GPAM: variants seen among roughly 807,000 people sequenced by gnomAD.
The protein encoded by GPAM is glycerol-3-phosphate acyltransferase, mitochondrial, also known as glycerol-3-phosphate acyltransferase 1, mitochondrial.
Under a neutral mutation model 105.0 loss-of-function variants are expected in GPAM, and 56 were observed. That is an observed-to-expected ratio of 0.53 (90% CI 0.43 to 0.67). GPAM has a LOEUF of 0.67. Among genes scored for constraint, GPAM ranks in the 30% least tolerant of loss-of-function variants. The probability of loss-of-function intolerance (pLI) is 0.00; values close to 1 mark genes in which losing one functional copy is unlikely to be tolerated. For missense variants in GPAM, 855 were observed against 989.8 expected, an observed-to-expected ratio of 0.86 and a Z score of 1.83; for synonymous variants, 368 against 354.4, an observed-to-expected ratio of 1.04 and a Z score of -0.43.
At chr10:112,199,776 G>A (rs1327492153) in intron 1 of GPAM, among the ~76,000 whole-genome samples, 1 of 152,170 alleles carries the variant, frequency 6.6e-6, no homozygotes, top group African/African-American at 2.4e-5. Context: ...GAGAGCTTGT[G>A]CAGGGGAACT....
At position 112,168,524 on chromosome 10, in the gene GPAM, G is replaced by A; in HGVS notation, c.895C>T (p.His299Tyr). 6.3e-7 allele frequency: 1 copy of A among 1,578,582 alleles called. No individual in the cohort carries two copies. Among genetic ancestry groups the A allele is most frequent in the Non-Finnish European group, 8.7e-7 (1 of 1,147,556 alleles). ...TGCTGTCGAAGTAATTCAACTATAT[G>A]CTGGGATATAAGAAGAAAGTAAAAC... ...DVLYRALLHGHIVELLRQQQF... is the reference protein window; with the variant it reads ...DVLYRALLHGYIVELLRQQQF... Residue 299 changes from histidine (H) to tyrosine (Y), a missense_variant and splice_region_variant, in exon 11 of 22, where the codon CAT (histidine) becomes TAT (tyrosine). His to Tyr is a moderately conservative substitution (Grantham distance 83). Coordinates refer to ENST00000348367, the MANE Select transcript of GPAM (RefSeq NM_001244949.2).
At chr10:112,170,924 C>G (rs1200886940) in intron 9 of GPAM, among the ~76,000 whole-genome samples, 2 of 152,124 alleles carry the variant, frequency 1.3e-5, no homozygotes, top group African/African-American at 4.8e-5. Flanking sequence ...ACTCTGAAAG[C>G]CTATAGAACT....
chr10:112,169,309 C>G (rs192057207), intron 9 of GPAM, among the ~76,000 whole-genome samples: 1 of 152,150 alleles, frequency 6.6e-6, no homozygotes, highest in East Asian at 1.9e-4. Flanking sequence ...AGACACTGAC[C>G]CTTAGACATT....
chr10:112,218,168 T>C (rs1847989362), upstream of GPAM, among the ~76,000 whole-genome samples: 1 of 152,232 alleles, frequency 6.6e-6, no homozygotes, highest in Non-Finnish European at 1.5e-5. Flanking sequence ...GCAGTGCCTC[T>C]GCAGCTGCCT....
At chr10:112,222,193 T>G in the GPAM span, among the ~76,000 whole-genome samples, 2 of 152,174 alleles carry the variant, frequency 1.3e-5, no homozygotes, top group Non-Finnish European at 2.9e-5. Context: ...AAATTTAAAT[T>G]TTTTCTATTT....
In GPAM at chr10:112,164,624, CACA is replaced by C. The variant is rs1273342379; in HGVS notation, c.1222-17_1222-15del. 7.1e-7 allele frequency: 1 copy of C among 1,413,352 alleles called. No individual in the cohort carries two copies. 87.6% of individuals were successfully genotyped at this position (1,413,352 alleles called of 1,614,324 possible). A position where few individuals can be genotyped will look rare whatever the true frequency, so the allele number is the denominator to read the frequency against. The stretch of plus-strand genomic sequence containing the variant: ...TTCTAAATATTCCTGGAGAAAAAAA[CACA>C]ACATGATCATTTACCCTCACTTTCG... On this transcript the variant is annotated splice_polypyrimidine_tract_variant and intron_variant, in intron 12 of 21. Coordinates refer to ENST00000348367, the MANE Select transcript of GPAM (RefSeq NM_001244949.2).
chr10:112,163,127 G>A (rs1369821183), intron 14 of GPAM, among the ~76,000 whole-genome samples: 1 of 152,202 alleles, frequency 6.6e-6, no homozygotes, highest in African/African-American at 2.4e-5. Context: ...CAATTGTACA[G>A]CTTGGAACTT....
chr10:112,159,986 C>A lies in GPAM; in HGVS notation c.1827G>T (p.Leu609=), dbSNP rs1847092957. ...TCCGCACCAGCTGCTCCTGGCTGAT[C>A]AGGTTAGGTGGGGTGCTAGTGGGAC... The part of the protein sequence containing the change: ...LGGPTSTPPN[L]ISQEQLVRKA... The change falls in exon 17 of 22, where the codon CTG becomes CTT. Residue 609 remains leucine (L), a synonymous_variant. Coordinates refer to ENST00000348367, the MANE Select transcript of GPAM (RefSeq NM_001244949.2). 6.2e-7 allele frequency: 1 copy of A among 1,613,980 alleles called. No homozygotes were observed. The highest frequency in any genetic ancestry group is 8.5e-7 in the Non-Finnish European group (1 of 1,179,860).
intron 1 of GPAM, among the ~76,000 whole-genome samples, chr10:112,192,013 C>G (rs1471625248): frequency 1.3e-5 from 2 of 152,148 alleles, no homozygotes; most frequent in East Asian, 1.9e-4. Flanking sequence ...CACGCAGAGC[C>G]CAGGCAAGGT....
At chr10:112,180,335 T>C (rs981627359) in intron 4 of GPAM, 138 bp downstream of exon 4, 2 of 783,624 alleles carry the variant, frequency 2.6e-6, no homozygotes, top group Non-Finnish European at 4.3e-6. Flanking sequence ...TGTGTCAACA[T>C]CTTTACTTGA....
In GPAM at chr10:112,149,924, C is replaced by G; in HGVS notation, c.*3626G>C. 1 of 985,684 alleles carries G rather than the reference C, an allele frequency of 1.0e-6. No individual in the cohort carries two copies. Among genetic ancestry groups the G allele is most frequent in the Non-Finnish European group, 1.2e-6 (1 of 829,766 alleles). The allele number at this position is 985,684 out of a possible 1,614,324, so 61.1% of individuals were successfully genotyped here. A position where few individuals can be genotyped will look rare whatever the true frequency, so the allele number is the denominator to read the frequency against. On this transcript the variant is annotated 3_prime_UTR_variant, in exon 22 of 22. Coordinates refer to ENST00000348367, the MANE Select transcript of GPAM (RefSeq NM_001244949.2). Reference sequence around the variant, plus strand: ...CATTTTCTGTGTTTCTTGCAATACACTAACAAGCATAAAAATCAATCAGCA... The same window carrying G: ...CATTTTCTGTGTTTCTTGCAATACAGTAACAAGCATAAAAATCAATCAGCA...
At position 112,152,788 on chromosome 10, in the gene GPAM, T is replaced by C; in HGVS notation, c.*762A>G. 2.9e-6 allele frequency: 2 copies of C among 697,832 alleles called. No individual in the cohort carries two copies. Among genetic ancestry groups the C allele is most frequent in the Non-Finnish European group, 3.5e-6 (2 of 567,528 alleles). 43.2% of individuals were successfully genotyped at this position (697,832 alleles called of 1,614,324 possible). A position where few individuals can be genotyped will look rare whatever the true frequency, so the allele number is the denominator to read the frequency against. On this transcript the variant is annotated 3_prime_UTR_variant, in exon 22 of 22. Coordinates refer to ENST00000348367, the MANE Select transcript of GPAM (RefSeq NM_001244949.2). ...GTCATTTGAAACTCAATGGCACTTGTTTATATGAGCAAAAGCCTTCAACAC... is the reference window on the plus strand; with the variant it reads ...GTCATTTGAAACTCAATGGCACTTGCTTATATGAGCAAAAGCCTTCAACAC...
At chr10:112,218,864 T>C (rs1443408140), upstream of GPAM, among the ~76,000 whole-genome samples, 2 of 152,188 alleles carry the variant, frequency 1.3e-5, no homozygotes, top group Non-Finnish European at 2.9e-5. Context: ...TGCTAATGCA[T>C]TATAATTAAT....
Position 112,152,194 on chromosome 10 carries a change from TCCATAA to T in GPAM, c.*1350_*1355del, listed in dbSNP as rs1687019460. On this transcript the variant is annotated 3_prime_UTR_variant, in exon 22 of 22. Transcript: ENST00000348367. ...ACACTCATCTGGAAAAATTCTTAAT[TCCATAA>T]TATCTTGGAGATAAGCAACAGTAAA... 1.0e-6 allele frequency: 1 copy of T among 976,772 alleles called. No homozygotes were observed. 60.5% of individuals were successfully genotyped at this position (976,772 alleles called of 1,614,324 possible).
chr10:112,156,846 T>C (rs1214709319), intron 19 of GPAM: 3 of 259,952 alleles, frequency 1.2e-5, no homozygotes, highest in African/African-American at 2.2e-5. Context: ...GTATTTGTTT[T>C]AATTGACAGC....
chr10:112,223,246 A>AT, the GPAM span, among the ~76,000 whole-genome samples: 1 of 152,042 alleles, frequency 6.6e-6, no homozygotes, highest in African/African-American at 2.4e-5. Context: ...ACCTCCCCCA[A>AT]TAAATCTTTT....
intron 1 of GPAM, among the ~76,000 whole-genome samples, chr10:112,195,637 T>C (rs533005241): frequency 6.6e-6 from 1 of 152,246 alleles, no homozygotes; most frequent in Non-Finnish European, 1.5e-5. Flanking sequence ...GTAGAATTAA[T>C]CATTTAATAT....
At chr10:112,214,125 A>C (rs1171963922) in intron 1 of GPAM, among the ~76,000 whole-genome samples, 1 of 152,200 alleles carries the variant, frequency 6.6e-6, no homozygotes, top group Non-Finnish European at 1.5e-5. Flanking sequence ...GGGGGGATCC[A>C]CAGACTCATC....
intron 1 of GPAM, among the ~76,000 whole-genome samples, chr10:112,203,665 G>A (rs1244705834): frequency 6.6e-6 from 1 of 152,168 alleles, no homozygotes; most frequent in African/African-American, 2.4e-5. Flanking sequence ...AACAATAATG[G>A]ATTTCTAGTG....
Sources: allele counts gnomAD v4.1 joint callset (sites outside exome capture counted in the v4.1 genomes callset), GRCh38; gene constraint gnomAD v4.1.1; transcripts MANE v1.5; gene names NCBI Gene and HGNC (gene_info 2026-07-23, HGNC 2026-07-21).